PRMT8: variants seen among roughly 807,000 people sequenced by gnomAD.
The protein encoded by PRMT8 is protein arginine N-methyltransferase 8.
In PRMT8, 7 loss-of-function variants were observed where a neutral mutation model predicts 47.1. That is an observed-to-expected ratio of 0.15 (90% confidence interval 0.08 to 0.28). The LOEUF is 0.28. Among genes scored for constraint, PRMT8 ranks in the 10% least tolerant of loss-of-function variants. The probability of loss-of-function intolerance (pLI) is 1.00; values close to 1 mark genes in which losing one functional copy is unlikely to be tolerated. For synonymous variants in PRMT8, 188 were observed against 186.5 expected, an observed-to-expected ratio of 1.01 and a Z score of -0.07; for missense variants, 237 against 505.4, an observed-to-expected ratio of 0.47 and a Z score of 5.09.
intron 1 of PRMT8, among the ~76,000 whole-genome samples, chr12:3,391,968 C>T (rs538359343): frequency 6.6e-6 from 1 of 152,154 alleles, no homozygotes; most frequent in South Asian, 2.1e-4. Flanking sequence ...AGCCTATCCA[C>T]AAATAGAGAG....
intron 1 of PRMT8, among the ~76,000 whole-genome samples, chr12:3,537,285 G>C (rs761646949): frequency 1.3e-5 from 2 of 152,134 alleles, no homozygotes; most frequent in Non-Finnish European, 2.9e-5. Context: ...CATTTTTGTT[G>C]CACATCAACC....
intron 1 of PRMT8, among the ~76,000 whole-genome samples, chr12:3,382,251 G>A (rs192835651): frequency 6.6e-6 from 1 of 152,324 alleles, no homozygotes; most frequent in Admixed American, 6.5e-5. Context: ...AAATGCCCAG[G>A]AGTGTAATTG....
In PRMT8 at chr12:3,552,392, T is replaced by C. The variant is rs1367864328; in HGVS notation, c.418-1259T>C. On this transcript the variant is annotated intron_variant, in intron 3 of 9. Transcript: ENST00000382622. The surrounding 1 kb of genome is among the most constrained non-coding windows in gnomAD (Gnocchi z 4.5). Reference sequence around the variant, plus strand: ...GTTTACCCTCACACACTCACGTGCATTGGGGGCTTCGACTTCTCTCGGGAG... The same window carrying C: ...GTTTACCCTCACACACTCACGTGCACTGGGGGCTTCGACTTCTCTCGGGAG... 6 of 210,722 alleles carry C rather than the reference T, an allele frequency of 2.8e-5. No individual in the cohort carries two copies. The highest frequency in any genetic ancestry group is 2.8e-4 in the South Asian group (4 of 14,114). 13.1% of individuals were successfully genotyped at this position (210,722 alleles called of 1,614,324 possible). A position where few individuals can be genotyped will look rare whatever the true frequency, so the allele number is the denominator to read the frequency against.
intron 1 of PRMT8, among the ~76,000 whole-genome samples, chr12:3,420,033 GAC>G (rs1270592496): frequency 3.2e-4 from 7 of 21,798 alleles, no homozygotes; most frequent in African/African-American, 7.3e-4. Context: ...GAGAGAGACA[GAC>G]AGAGAGAGAG....
chr12:3,566,109 C>G lies in PRMT8; in HGVS notation c.482-2597C>G, dbSNP rs1400395231. ...TGCAAAGAAAAAAAAGTAAGGGAGG[C>G]CATTAAAGACAATTTTTAAGTTTAC... On this transcript the variant is annotated intron_variant, in intron 4 of 9. Transcript: ENST00000382622. This position sits in a 1 kb window ranked among gnomAD's most constrained non-coding sequence, Gnocchi z 4.7. 6.6e-6 allele frequency among the ~76,000 whole-genome samples: 1 copy of G among 152,088 alleles called. No individual in the cohort carries two copies. The highest frequency in any genetic ancestry group is 2.4e-5 in the African/African-American group (1 of 41,398).
chr12:3,437,520 A>G (rs768992775), intron 1 of PRMT8, among the ~76,000 whole-genome samples: 2 of 151,012 alleles, frequency 1.3e-5, no homozygotes, highest in Non-Finnish European at 2.9e-5. Flanking sequence ...TCGTCCTCCC[A>G]CCCTCTACCC....
chr12:3,507,419 C>T (rs1256606970), intron 1 of PRMT8, among the ~76,000 whole-genome samples: 2 of 152,094 alleles, frequency 1.3e-5, no homozygotes, highest in Non-Finnish European at 2.9e-5. Flanking sequence ...CCGCGCCCAG[C>T]CAAGTGGTGG....
At chr12:3,528,011 C>T (rs371538583) in intron 1 of PRMT8, among the ~76,000 whole-genome samples, 1 of 152,128 alleles carries the variant, frequency 6.6e-6, no homozygotes, top group African/African-American at 2.4e-5. Context: ...GGGAAGCTGG[C>T]TGTCATTCTT....
At chr12:3,584,465 G>A (rs548028323) in intron 8 of PRMT8, among the ~76,000 whole-genome samples, 23 of 152,138 alleles carry the variant, frequency 1.5e-4, no homozygotes, top group East Asian at 1.9e-4. Flanking sequence ...CCTGATCCCC[G>A]CTTTCCCTTT....
chr12:3,592,531 C>G lies in PRMT8; in HGVS notation c.1101+179C>G, dbSNP rs541304917. On this transcript the variant is annotated intron_variant, in intron 9 of 9. Coordinates refer to ENST00000382622, the MANE Select transcript of PRMT8 (RefSeq NM_019854.5). Reference sequence around the variant, plus strand: ...TAATTGAGGGACTCAGGCTTGACCCCTCAAAACTCCGCAAATAGAGGTTTT... The same window carrying G: ...TAATTGAGGGACTCAGGCTTGACCCGTCAAAACTCCGCAAATAGAGGTTTT... Among the ~76,000 whole-genome samples, 119 of 152,204 alleles carry G rather than the reference C, an allele frequency of 7.8e-4. 1 individual carries two copies. Among genetic ancestry groups the G allele is most frequent in the African/African-American group, 2.7e-3 (113 of 41,534 alleles).
rs757298043 is a variant in PRMT8, at chr12:3,580,154, G to A, written c.829-2904G>A. On this transcript the variant is annotated intron_variant, in intron 7 of 9. Transcript: ENST00000382622. The surrounding 1 kb of genome is among the most constrained non-coding windows in gnomAD (Gnocchi z 4.6). ...CCTTATTGTTGCCATTATAATGTGC[G>A]GCTTCAATACTTTTGGTCCTAAAGG... Among the ~76,000 whole-genome samples, 1 of 152,106 alleles carries A rather than the reference G, an allele frequency of 6.6e-6. No homozygotes were observed. Among genetic ancestry groups the A allele is most frequent in the Non-Finnish European group, 1.5e-5 (1 of 68,024 alleles).
rs1238859337 is a variant in PRMT8 at position 3,535,604 on chromosome 12, G to A, written c.76-5002G>A. ...AACCCAACAGGACAAGGCTGGAGGC[G>A]ATGGTGCAGAAACAGGTACCAGAAC... On this transcript the variant is annotated intron_variant, in intron 1 of 9. Coordinates refer to ENST00000382622, the MANE Select transcript of PRMT8 (RefSeq NM_019854.5). The surrounding 1 kb of genome is among the most constrained non-coding windows in gnomAD (Gnocchi z 4.7). 2.0e-5 allele frequency among the ~76,000 whole-genome samples: 3 copies of A among 152,136 alleles called. No individual in the cohort carries two copies. The highest frequency in any genetic ancestry group is 4.8e-5 in the African/African-American group (2 of 41,424).
intron 2 of PRMT8, 67 bp from the exon 3 acceptor site, chr12:3,549,869 A>T: frequency 6.3e-7 from 1 of 1,574,916 alleles, no homozygotes; most frequent in Non-Finnish European, 8.7e-7. Context: ...CCAGGGGCTC[A>T]TAGCCATGGT....
At chr12:3,474,464 C>T (rs1398956762) in intron 1 of PRMT8, among the ~76,000 whole-genome samples, 1 of 152,188 alleles carries the variant, frequency 6.6e-6, no homozygotes, top group Non-Finnish European at 1.5e-5. Flanking sequence ...AGCCCATCCC[C>T]CACCTGTCTC....
At chr12:3,399,490 G>T (rs1462939764) in intron 1 of PRMT8, among the ~76,000 whole-genome samples, 3 of 152,170 alleles carry the variant, frequency 2.0e-5, no homozygotes, top group African/African-American at 7.2e-5. Context: ...GATGCAGCAG[G>T]TTTGTCTATA....
In PRMT8 at chr12:3,552,904, C is replaced by G. The variant is rs952279127; in HGVS notation, c.418-747C>G. ...GAGCCGGCTCCGGAGGTGAGGACGG[C>G]TCTTGGCAGCTGCCCCTCCATGTCC... On this transcript the variant is annotated intron_variant, in intron 3 of 9. Coordinates refer to ENST00000382622, the MANE Select transcript of PRMT8 (RefSeq NM_019854.5). The surrounding 1 kb of genome is among the most constrained non-coding windows in gnomAD (Gnocchi z 4.5). 23 of 380,416 alleles carry G rather than the reference C, an allele frequency of 6.0e-5. No individual in the cohort carries two copies. Among genetic ancestry groups the G allele is most frequent in the Non-Finnish European group, 1.0e-4 (19 of 189,038 alleles). 23.6% of individuals were successfully genotyped at this position (380,416 alleles called of 1,614,324 possible). A position where few individuals can be genotyped will look rare whatever the true frequency, so the allele number is the denominator to read the frequency against.
At chr12:3,412,438 C>G (rs1461716753) in intron 1 of PRMT8, among the ~76,000 whole-genome samples, 1 of 152,138 alleles carries the variant, frequency 6.6e-6, no homozygotes, top group Admixed American at 6.5e-5. Context: ...TGTTTTCTTT[C>G]TTCAACAAAA....
chr12:3,490,690 A>C (rs1001721424), upstream of PRMT8, among the ~76,000 whole-genome samples: 43 of 135,068 alleles, frequency 3.2e-4, no homozygotes, highest in African/African-American at 1.4e-3. Flanking sequence ...AGAGAGAGAG[A>C]GAGAGAGAGA....
At chr12:3,455,837 A>G (rs1864968376) in intron 1 of PRMT8, among the ~76,000 whole-genome samples, 1 of 152,216 alleles carries the variant, frequency 6.6e-6, no homozygotes, top group Non-Finnish European at 1.5e-5. Flanking sequence ...CCAAGAGGTC[A>G]GGTGACATGT....
Sources: allele counts gnomAD v4.1 joint callset (sites outside exome capture counted in the v4.1 genomes callset), GRCh38; gene constraint gnomAD v4.1.1; non-coding constraint Gnocchi (gnomAD v3.1); transcripts MANE v1.5; gene names NCBI Gene and HGNC (gene_info 2026-07-23, HGNC 2026-07-21).